Variants in AP1G1 observed in about 807,000 individuals in gnomAD.
AP1G1 encodes AP-1 complex subunit gamma-1.
AP1G1 carries 7 observed loss-of-function variants against 108.3 expected under a neutral mutation model. The observed-to-expected ratio is 0.06, with a 90% confidence interval of 0.04 to 0.12. The LOEUF (loss-of-function observed/expected upper bound fraction) is 0.12, where lower values mean the gene tolerates loss of function less well. Among genes scored for constraint, AP1G1 ranks in the 10% least tolerant of loss-of-function variants. The pLI is 1.00. For missense variants in AP1G1, 756 were observed against 1,010.7 expected (o/e 0.75, Z 3.42); for synonymous variants, 379 against 353.5 (o/e 1.07, Z -0.81).
At position 71,732,791 on chromosome 16, in the gene AP1G1, T is replaced by G; in HGVS notation, c.*267A>C. On this transcript the variant is annotated 3_prime_UTR_variant, in exon 23 of 23. Coordinates refer to ENST00000299980, the MANE Select transcript of AP1G1 (RefSeq NM_001128.6). ...GGAATGTTGATTCTGGCTGTAAATG[T>G]GGGAGGGGTGGAGAAGTGCGGAAAA... The G allele has an allele frequency of 3.0e-6, 1 of 335,814 alleles. No individual in the cohort carries two copies. The highest frequency in any genetic ancestry group is 5.5e-6 in the Non-Finnish European group (1 of 183,178). 20.8% of individuals were successfully genotyped at this position (335,814 alleles called of 1,614,324 possible). A position where few individuals can be genotyped will look rare whatever the true frequency, so the allele number is the denominator to read the frequency against.
intron 1 of AP1G1, among the ~76,000 whole-genome samples, chr16:71,798,290 C>T (rs1348973305): frequency 6.6e-6 from 1 of 152,036 alleles, no homozygotes; most frequent in African/African-American, 2.4e-5. Context: ...ACACTGCCTC[C>T]CAGATTCAAG....
At chr16:71,785,708 C>T (rs2032178398) in intron 2 of AP1G1, among the ~76,000 whole-genome samples, 1 of 151,820 alleles carries the variant, frequency 6.6e-6, no homozygotes, top group African/African-American at 2.4e-5. Context: ...AGTGAAATCC[C>T]GTCTCTACTA....
chr16:71,743,971 G>A (rs951495742), intron 19 of AP1G1, among the ~76,000 whole-genome samples: 14 of 145,204 alleles, frequency 9.6e-5, no homozygotes, highest in African/African-American at 3.6e-4. Context: ...AAGGCCAGGC[G>A]AAGTGGCTCA....
At chr16:71,736,117 A>AAAAAT (rs1555550846) in intron 21 of AP1G1, among the ~76,000 whole-genome samples, 4 of 71,636 alleles carry the variant, frequency 5.6e-5, no homozygotes, top group African/African-American at 2.5e-4. Flanking sequence ...AAAAAAAAAA[A>AAAAAT]ATATATATAT....
At chr16:71,801,059 C>T (rs1423829054) in intron 1 of AP1G1, among the ~76,000 whole-genome samples, 1 of 152,152 alleles carries the variant, frequency 6.6e-6, no homozygotes, top group East Asian at 1.9e-4. Context: ...GTAATCCCAG[C>T]ACTTTGGGAG....
At chr16:71,775,296 T>C (rs1298655174) in intron 2 of AP1G1, among the ~76,000 whole-genome samples, 1 of 151,856 alleles carries the variant, frequency 6.6e-6, no homozygotes. Context: ...CCTCCCAAAG[T>C]GCTGGTATTA....
At chr16:71,752,437 ACATAT>A (rs1369153314) in intron 13 of AP1G1, among the ~76,000 whole-genome samples, 1 of 152,186 alleles carries the variant, frequency 6.6e-6, no homozygotes, top group African/African-American at 2.4e-5. Flanking sequence ...AAATACATAT[ACATAT>A]AAGTCATAAT....
At chr16:71,753,978 A>C in intron 12 of AP1G1, 91 bp from the exon 13 acceptor site, 1 of 1,222,594 alleles carries the variant, frequency 8.2e-7, no homozygotes, top group Non-Finnish European at 1.2e-6. Context: ...GGTGACTCAC[A>C]CCTGTCATCC....
At chr16:71,752,933 AG>A (rs2030580521) in intron 13 of AP1G1, among the ~76,000 whole-genome samples, 1 of 152,148 alleles carries the variant, frequency 6.6e-6, no homozygotes, top group African/African-American at 2.4e-5. Flanking sequence ...TTTCCATTAG[AG>A]TGGTATTTCC....
At chr16:71,764,493 G>A (rs1252567188) in intron 8 of AP1G1, 45 bp from the exon 9 acceptor site, 4 of 1,395,270 alleles carry the variant, frequency 2.9e-6, no homozygotes, top group Admixed American at 4.2e-5. Context: ...TAAAAACAAT[G>A]CTCCCAAAAC....
At chr16:71,787,748 A>G (rs893363772) in intron 2 of AP1G1, among the ~76,000 whole-genome samples, 4 of 152,210 alleles carry the variant, frequency 2.6e-5, no homozygotes, top group Admixed American at 6.5e-5. Flanking sequence ...ACCTGGATCA[A>G]TTTTTGATGT....
chr16:71,805,959 T>G (rs550949327), intron 1 of AP1G1, among the ~76,000 whole-genome samples: 1 of 151,760 alleles, frequency 6.6e-6, no homozygotes, highest in Admixed American at 6.6e-5. Context: ...AGGTCCAGGC[T>G]GCAGTGAGCT....
chr16:71,769,415 T>C (rs1403108540), intron 6 of AP1G1: 1 of 534,282 alleles, frequency 1.9e-6, no homozygotes, highest in Non-Finnish European at 3.4e-6. Flanking sequence ...AGAAGACTTC[T>C]ATTATGAAAG....
rs2030125279 is a variant in AP1G1 at position 71,745,485 on chromosome 16, C to T, written c.1860G>A (p.Gln620=). 1.9e-6 allele frequency: 3 copies of T among 1,614,044 alleles called. No individual in the cohort carries two copies. The highest frequency in any genetic ancestry group is 2.5e-6 in the Non-Finnish European group (3 of 1,180,038). The change falls in exon 18 of 23, where the codon CAG becomes CAA. Residue 620 remains glutamine (Q), a synonymous_variant. Transcript: ENST00000299980. The part of the protein sequence containing the change: ...LETKPPPSGP[Q]PTSQANDLLD... Reference sequence around the variant, plus strand: ...AAAGGCTGGCTACCTGGCTGGTGGGCTGTGGCCCAGAGGGTGGCGGTTTGG... The same window carrying T: ...AAAGGCTGGCTACCTGGCTGGTGGGTTGTGGCCCAGAGGGTGGCGGTTTGG...
At chr16:71,803,384 T>C (rs779848174) in intron 1 of AP1G1, among the ~76,000 whole-genome samples, 1 of 152,100 alleles carries the variant, frequency 6.6e-6, no homozygotes, top group Non-Finnish European at 1.5e-5. Flanking sequence ...TGAGTAGGCT[T>C]TTTTTTAAAG....
Position 71,789,303 on chromosome 16 carries a change from C to T in AP1G1, c.177G>A (p.Leu59=). 2 of 1,614,048 alleles carry T rather than the reference C, an allele frequency of 1.2e-6. No individual in the cohort carries two copies. Among genetic ancestry groups the T allele is most frequent in the Non-Finnish European group, 1.7e-6 (2 of 1,179,990 alleles). ...CCTGTCCAAAGTGAGCAGGGTAGCC[C>T]AGCATGTGCATATACAGTAATTTTG... is the stretch of plus-strand genomic sequence containing the variant. ...NVAKLLYMHM[L]GYPAHFGQLE... is the part of the protein sequence containing the mutation. Residue 59 remains leucine, a synonymous_variant, in exon 2 of 23, where the codon CTG becomes CTA. Transcript: ENST00000299980.
chr16:71,739,690 T>A (rs891788678), intron 19 of AP1G1, among the ~76,000 whole-genome samples: 4 of 147,560 alleles, frequency 2.7e-5, no homozygotes, highest in African/African-American at 1.0e-4. Context: ...AAGTTGAGGC[T>A]ACAGTGAGCT....
intron 19 of AP1G1, chr16:71,742,756 G>A (rs1212063485): frequency 6.6e-6 from 1 of 152,108 alleles, no homozygotes; most frequent in Non-Finnish European, 1.5e-5. Context: ...GATCATTTGA[G>A]GTCAGGAGTT....
At position 71,774,563 on chromosome 16, in the gene AP1G1, T is replaced by C. The variant is rs544978963; in HGVS notation, c.231A>G (p.Gln77=). The C allele has an allele frequency of 1.0e-5, 16 of 1,594,872 alleles. No homozygotes were observed. Among genetic ancestry groups the C allele is most frequent in the African/African-American group, 4.1e-5 (3 of 73,420 alleles). The change falls in exon 3 of 23, where the codon CAA becomes CAG. Residue 77 remains glutamine (Q), a synonymous_variant. Coordinates refer to ENST00000299980, the MANE Select transcript of AP1G1 (RefSeq NM_001128.6). ...QLECLKLIAS[Q]KFTDKRIGYL... is the part of the protein sequence containing the mutation. ...AGCCAATGCGTTTGTCTGTAAATTT[T>C]TGAGAGGCAATAAGCTTGAGGCACT...
Sources: allele counts gnomAD v4.1 joint callset (sites outside exome capture counted in the v4.1 genomes callset), GRCh38; gene constraint gnomAD v4.1.1; transcripts MANE v1.5; gene names NCBI Gene and HGNC (gene_info 2026-07-23, HGNC 2026-07-21).